The following SLC22A25 variants were observed in gnomAD, a reference collection of about 807,000 sequenced individuals.
SLC22A25 encodes solute carrier family 22 member 25.
Under a neutral mutation model 45.9 loss-of-function variants are expected in SLC22A25, and 44 were observed. The observed-to-expected ratio is 0.96, with a 90% CI of 0.75 to 1.23. SLC22A25 has a LOEUF of 1.23. Among genes scored for constraint, SLC22A25 ranks in the 50% most tolerant of loss-of-function variants. SLC22A25 has a pLI of 0.00. For synonymous variants in SLC22A25, 283 were observed against 238.6 expected (o/e 1.19, Z -1.72); for missense variants, 800 against 666.4 (o/e 1.20, Z -2.21).
chr11:63,186,478 C>A (rs1297246773), intron 7 of SLC22A25, among the ~76,000 whole-genome samples: 2 of 150,638 alleles, frequency 1.3e-5, no homozygotes, highest in Non-Finnish European at 3.0e-5. Context: ...CAAAAATTTT[C>A]TCCCATTCTG....
Position 63,164,594 on chromosome 11 carries a change from C to G in SLC22A25, c.1326G>C (p.Val442=). ...AGGTAATGCCAAGAGAAGCAGCTCCCACACCCAGGGTTGCCAAAACCACAC... is the reference window on the plus strand; with the variant it reads ...AGGTAATGCCAAGAGAAGCAGCTCCGACACCCAGGGTTGCCAAAACCACAC... ...TLRVVLATLG[V]GAASLGITCS... is the part of the protein sequence containing the mutation. Residue 442 remains valine (V), a synonymous_variant, in exon 11 of 12, where the codon GTG becomes GTC. Coordinates refer to ENST00000306494, the MANE Select transcript of SLC22A25 (RefSeq NM_199352.6). The G allele has an allele frequency of 6.2e-7, 1 of 1,613,824 alleles. No homozygotes were observed. Among genetic ancestry groups the G allele is most frequent in the Non-Finnish European group, 8.5e-7 (1 of 1,179,828 alleles).
At chr11:63,186,365 TC>T (rs1238604527) in intron 7 of SLC22A25, among the ~76,000 whole-genome samples, 1 of 151,580 alleles carries the variant, frequency 6.6e-6, no homozygotes, top group Non-Finnish European at 1.5e-5. Context: ...TCTGTTCATA[TC>T]CTTTGCCCAC....
intron 3 of SLC22A25, among the ~76,000 whole-genome samples, chr11:63,234,704 T>C (rs546880582): frequency 6.6e-6 from 1 of 152,272 alleles, no homozygotes; most frequent in East Asian, 1.9e-4. Flanking sequence ...TTATTTTGCT[T>C]GTTAGTTGAT....
chr11:63,175,945 T>C (rs1565068843), intron 9 of SLC22A25, among the ~76,000 whole-genome samples: 1 of 152,070 alleles, frequency 6.6e-6, no homozygotes, highest in Non-Finnish European at 1.5e-5. Context: ...TATGTGGATA[T>C]GTAGTTGCTT....
chr11:63,220,061 C>T (rs1001837428), intron 5 of SLC22A25: 7 of 1,208,996 alleles, frequency 5.8e-6, no homozygotes, highest in Non-Finnish European at 7.6e-6. Flanking sequence ...AGAGGGTACC[C>T]CAAACTTCTC....
At position 63,160,445 on chromosome 11, in the gene SLC22A25, G is replaced by A. The variant is rs532378484; in HGVS notation, c.*3379C>T. On this transcript the variant is annotated 3_prime_UTR_variant, in exon 12 of 12. Transcript: ENST00000306494. Reference sequence around the variant, plus strand: ...AGGTGCAAAGAAGTCAAGAATTGAGGTTTGGGAACCTCCACCTAGATTTCA... The same window carrying A: ...AGGTGCAAAGAAGTCAAGAATTGAGATTTGGGAACCTCCACCTAGATTTCA... 4.2e-4 allele frequency among the ~76,000 whole-genome samples: 64 copies of A among 152,298 alleles called. No homozygotes were observed. The highest frequency in any genetic ancestry group is 1.5e-3 in the African/African-American group (61 of 41,580).
Position 63,161,094 on chromosome 11 carries a change from G to C in SLC22A25, c.*2730C>G, listed in dbSNP as rs946710403. Among the ~76,000 whole-genome samples, 1 of 152,156 alleles carries C rather than the reference G, an allele frequency of 6.6e-6. No homozygotes were observed. The highest frequency in any genetic ancestry group is 1.5e-5 in the Non-Finnish European group (1 of 68,038). On this transcript the variant is annotated 3_prime_UTR_variant, in exon 12 of 12. Transcript: ENST00000306494. The stretch of plus-strand genomic sequence containing the variant: ...CTCACAGCTCCATGTGGCTGGTGAG[G>C]CCTCACAATCATGGTGGAAGACGAT...
rs540171347 is a variant in SLC22A25 at position 63,185,243 on chromosome 11, C to T, written c.831-1426G>A. On this transcript the variant is annotated intron_variant, in intron 7 of 11. Coordinates refer to ENST00000306494, the MANE Select transcript of SLC22A25 (RefSeq NM_199352.6). ...TGTTGGTGTGCTGCACCCATTAACTCGTCATTTAACATTAGTTATATCTCC... is the reference window on the plus strand; with the variant it reads ...TGTTGGTGTGCTGCACCCATTAACTTGTCATTTAACATTAGTTATATCTCC... 1.8e-4 allele frequency among the ~76,000 whole-genome samples: 27 copies of T among 151,958 alleles called. No individual in the cohort carries two copies. In the East Asian group the frequency reaches 4.9e-3, roughly 27 times the overall value.
At chr11:63,164,478 G>A (rs1050895181) in intron 11 of SLC22A25, 48 bp downstream of exon 11, 7 of 1,502,084 alleles carry the variant, frequency 4.7e-6, no homozygotes, top group Middle Eastern at 1.7e-4. Context: ...TCAATTGGTT[G>A]AGACAGGTCC....
At chr11:63,192,776 A>G (rs1363068538) in intron 7 of SLC22A25, among the ~76,000 whole-genome samples, 1 of 152,258 alleles carries the variant, frequency 6.6e-6, no homozygotes, top group Non-Finnish European at 1.5e-5. Context: ...CAATTCAACA[A>G]GAAGATCTAA....
intron 7 of SLC22A25, among the ~76,000 whole-genome samples, chr11:63,211,929 G>A (rs2089576328): frequency 6.6e-6 from 1 of 152,046 alleles, no homozygotes; most frequent in Non-Finnish European, 1.5e-5. Context: ...CTGACAAAGG[G>A]CTAATATCCA....
chr11:63,168,855 C>T (rs1031878456), intron 9 of SLC22A25, among the ~76,000 whole-genome samples: 2 of 151,986 alleles, frequency 1.3e-5, no homozygotes, highest in Non-Finnish European at 2.9e-5. Context: ...AACACCAAGA[C>T]ACATGATTGT....
rs2087517288 is a variant in SLC22A25 at position 63,159,300 on chromosome 11, C to T, written c.*4524G>A. ...TGATATGATTTGGCTGCACCCCCACCCAAATCTCATCTTGAATTATAGCTC... is the reference window on the plus strand; with the variant it reads ...TGATATGATTTGGCTGCACCCCCACTCAAATCTCATCTTGAATTATAGCTC... On this transcript the variant is annotated 3_prime_UTR_variant, in exon 12 of 12. Coordinates refer to ENST00000306494, the MANE Select transcript of SLC22A25 (RefSeq NM_199352.6). Among the ~76,000 whole-genome samples the T allele has an allele frequency of 1.3e-5, 2 of 152,074 alleles. No homozygotes were observed.
chr11:63,196,053 G>A (rs1427125831), intron 7 of SLC22A25, among the ~76,000 whole-genome samples: 2 of 152,072 alleles, frequency 1.3e-5, no homozygotes, highest in Non-Finnish European at 2.9e-5. Flanking sequence ...ACTAAACCAC[G>A]AAGAAGCTGA....
intron 9 of SLC22A25, among the ~76,000 whole-genome samples, chr11:63,174,085 T>C (rs1399942896): frequency 6.6e-6 from 1 of 152,050 alleles, no homozygotes; most frequent in East Asian, 1.9e-4. Flanking sequence ...TGGTGTGTGA[T>C]GTTCGCCTCC....
chr11:63,159,291 C>T lies in SLC22A25; in HGVS notation c.*4533G>A, dbSNP rs1313328160. On this transcript the variant is annotated 3_prime_UTR_variant, in exon 12 of 12. Coordinates refer to ENST00000306494, the MANE Select transcript of SLC22A25 (RefSeq NM_199352.6). ...ATATGCCTTTGATATGATTTGGCTG[C>T]ACCCCCACCCAAATCTCATCTTGAA... Among the ~76,000 whole-genome samples, 2 of 152,110 alleles carry T rather than the reference C, an allele frequency of 1.3e-5. No homozygotes were observed. The highest frequency in any genetic ancestry group is 2.9e-5 in the Non-Finnish European group (2 of 68,028).
chr11:63,229,727 T>C lies in SLC22A25; in HGVS notation c.-75A>G. 2 of 1,442,310 alleles carry C rather than the reference T, an allele frequency of 1.4e-6. No individual in the cohort carries two copies. The highest frequency in any genetic ancestry group is 9.4e-7 in the Non-Finnish European group (1 of 1,066,674). The allele number at this position is 1,442,310 out of a possible 1,614,324, so 89.3% of individuals were successfully genotyped here. On this transcript the variant is annotated 5_prime_UTR_variant, in exon 4 of 12. Coordinates refer to ENST00000306494, the MANE Select transcript of SLC22A25 (RefSeq NM_199352.6). ...ATAAGTTCAAAGAGAAAATATTTCC[T>C]TTCCTTAAATCACACTAAGTGTGTG...
At chr11:63,183,891 T>C (rs569617907) in intron 7 of SLC22A25, 74 bp from the exon 8 acceptor site, 6 of 1,595,716 alleles carry the variant, frequency 3.8e-6, no homozygotes, top group Middle Eastern at 1.7e-4. Context: ...TATCCTGAGA[T>C]GCCTTTCCCC....
chr11:63,232,997 G>A (rs577217083), intron 3 of SLC22A25, among the ~76,000 whole-genome samples: 1 of 152,082 alleles, frequency 6.6e-6, no homozygotes, highest in African/African-American at 2.4e-5. Flanking sequence ...CTTGATCATG[G>A]TGGATAAGCT....
Sources: gnomAD v4.1 joint callset for allele counts (sites outside exome capture counted in the v4.1 genomes callset) on GRCh38, gnomAD v4.1.1 for gene constraint, MANE v1.5 for transcripts, NCBI Gene and HGNC (gene_info 2026-07-23, HGNC 2026-07-21) for gene names.